KIAA1958: variants seen among roughly 807,000 people sequenced by gnomAD.
The protein encoded by KIAA1958 is uncharacterized protein KIAA1958.
KIAA1958 carries 14 observed loss-of-function variants against 47.2 expected under a neutral mutation model. That is an observed-to-expected ratio of 0.30 (90% confidence interval 0.20 to 0.46). KIAA1958 has a LOEUF of 0.46. Ranked by LOEUF, KIAA1958 falls within the 20% of genes least tolerant of loss-of-function variation. The probability of loss-of-function intolerance (pLI) is 1.00; values close to 1 mark genes in which losing one functional copy is unlikely to be tolerated. For missense variants in KIAA1958, 803 were observed against 909.2 expected, an observed-to-expected ratio of 0.88 and a Z score of 1.50; for synonymous variants, 354 against 353.3, an observed-to-expected ratio of 1.00 and a Z score of -0.02.
chr9:112,549,345 T>C (rs1379600642), intron 1 of KIAA1958, among the ~76,000 whole-genome samples: 1 of 152,254 alleles, frequency 6.6e-6, no homozygotes, highest in Non-Finnish European at 1.5e-5. Flanking sequence ...TCCGTACTAT[T>C]ACAAATTATT....
intron 2 of KIAA1958, among the ~76,000 whole-genome samples, chr9:112,610,286 G>T (rs1032784836): frequency 7.3e-5 from 11 of 151,438 alleles, no homozygotes; most frequent in Non-Finnish European, 1.5e-4. Flanking sequence ...AGTAGGAAAA[G>T]AAATTAAGCA....
Position 112,669,325 on chromosome 9 carries a change from T to C in KIAA1958, c.*9256T>C, listed in dbSNP as rs1313052373. 1.3e-5 allele frequency: 2 copies of C among 152,248 alleles called. No homozygotes were observed. Among genetic ancestry groups the C allele is most frequent in the African/African-American group, 4.8e-5 (2 of 41,462 alleles). The allele number at this position is 152,248 out of a possible 1,614,324, so 9.4% of individuals were successfully genotyped here. On this transcript the variant is annotated 3_prime_UTR_variant, in exon 4 of 4. Coordinates refer to ENST00000337530, the MANE Select transcript of KIAA1958 (RefSeq NM_133465.4). ...TTTTAAAGGTGGTTGTTGTTGTTGTTTGGGTTCACTTATGTATATGCAGCT... is the reference window on the plus strand; with the variant it reads ...TTTTAAAGGTGGTTGTTGTTGTTGTCTGGGTTCACTTATGTATATGCAGCT...
Position 112,535,418 on chromosome 9 carries a change from C to CT in KIAA1958, c.-24-38631dup, listed in dbSNP as rs149375015. The stretch of plus-strand genomic sequence containing the variant: ...CATGTTGTCACAAATGATAGGATTT[C>CT]TTTTTTTTAAGGCTTATTAGCAGTC... On this transcript the variant is annotated intron_variant, in intron 1 of 3. Coordinates refer to ENST00000337530, the MANE Select transcript of KIAA1958 (RefSeq NM_133465.4). 4.0e-3 allele frequency among the ~76,000 whole-genome samples: 601 copies of CT among 151,884 alleles called. 28 individuals are homozygous for CT. In the East Asian group the frequency reaches 0.095, roughly 24 times the overall value.
At chr9:112,527,457 G>A (rs559946027) in intron 1 of KIAA1958, among the ~76,000 whole-genome samples, 1 of 152,192 alleles carries the variant, frequency 6.6e-6, no homozygotes, top group South Asian at 2.1e-4. Context: ...TGAAGTTGAA[G>A]AAGAAAGCAG....
At chr9:112,608,857 A>G (rs1373181116) in intron 2 of KIAA1958, among the ~76,000 whole-genome samples, 4 of 152,194 alleles carry the variant, frequency 2.6e-5, no homozygotes, top group Admixed American at 6.5e-5. Context: ...TGGGCAATGT[A>G]GCAAGAGCCC....
chr9:112,584,459 T>A (rs959499278), intron 2 of KIAA1958, among the ~76,000 whole-genome samples: 6 of 152,234 alleles, frequency 3.9e-5, no homozygotes, highest in African/African-American at 9.6e-5. Flanking sequence ...ATTGTAACAT[T>A]ATTGCTGTTA....
At chr9:112,589,332 T>C (rs1466486722) in intron 2 of KIAA1958, among the ~76,000 whole-genome samples, 1 of 152,136 alleles carries the variant, frequency 6.6e-6, no homozygotes, top group Non-Finnish European at 1.5e-5. Context: ...CGCAGTGGCT[T>C]ACGCCTGTAA....
intron 1 of KIAA1958, among the ~76,000 whole-genome samples, chr9:112,524,549 A>G (rs1473460748): frequency 6.6e-6 from 1 of 152,194 alleles, no homozygotes; most frequent in African/African-American, 2.4e-5. Context: ...TTGTTGTGCT[A>G]CCATAGGCTG....
chr9:112,615,284 A>G (rs576788377), intron 2 of KIAA1958, among the ~76,000 whole-genome samples: 1 of 151,872 alleles, frequency 6.6e-6, no homozygotes, highest in Admixed American at 6.6e-5. Context: ...GCCAGGCATG[A>G]TGGCGGGTGC....
At chr9:112,553,603 T>C (rs1835192967) in intron 1 of KIAA1958, among the ~76,000 whole-genome samples, 2 of 152,338 alleles carry the variant, frequency 1.3e-5, no homozygotes, top group South Asian at 4.1e-4. Flanking sequence ...TCTGATGTGC[T>C]TAGAATAGAG....
At position 112,640,594 on chromosome 9, in the gene KIAA1958, GGCT is replaced by G. The variant is rs200172486; in HGVS notation, c.1172-5049_1172-5047del. ...TCCACTGAGATTGCTGTAGACTTCA[GGCT>G]GCTGCTTTCTGTTTGGGTTCTATGT... On this transcript the variant is annotated intron_variant, in intron 2 of 3. Transcript: ENST00000337530. Among the ~76,000 whole-genome samples the G allele has an allele frequency of 7.5e-3, 1,141 of 152,140 alleles. 19 individuals carry two copies. Among genetic ancestry groups the G allele is most frequent in the South Asian group, 0.059 (285 of 4,812 alleles).
At position 112,660,070 on chromosome 9, in the gene KIAA1958, G is replaced by GC; in HGVS notation, c.*6dup. ...TGGCTCCCACAGCTGCTGCCAGTGA[G>GC]CCCCCACTGGGGCCCGGCCACTGCC... On this transcript the variant is annotated 3_prime_UTR_variant, in exon 4 of 4. Transcript: ENST00000337530. 1 of 1,611,498 alleles carries GC rather than the reference G, an allele frequency of 6.2e-7. No homozygotes were observed. Among genetic ancestry groups the GC allele is most frequent in the Non-Finnish European group, 8.5e-7 (1 of 1,179,428 alleles).
At chr9:112,593,491 G>T (rs1472448655) in intron 2 of KIAA1958, among the ~76,000 whole-genome samples, 1 of 152,210 alleles carries the variant, frequency 6.6e-6, no homozygotes, top group Admixed American at 6.5e-5. Flanking sequence ...ACATTTGAAA[G>T]AATTGTTCCA....
chr9:112,600,466 G>T (rs994387415), intron 2 of KIAA1958, among the ~76,000 whole-genome samples: 1 of 152,144 alleles, frequency 6.6e-6, no homozygotes, highest in Non-Finnish European at 1.5e-5. Context: ...TTAAAGGGGA[G>T]CATTCTCTGA....
At chr9:112,642,252 T>C (rs899299343) in intron 2 of KIAA1958, among the ~76,000 whole-genome samples, 8 of 152,200 alleles carry the variant, frequency 5.3e-5, no homozygotes, top group Non-Finnish European at 7.3e-5. Flanking sequence ...GCTGAAGAAG[T>C]GTTCATGAAT....
At chr9:112,581,937 TC>T (rs1835743446) in intron 2 of KIAA1958, 1 of 238,146 alleles carries the variant, frequency 4.2e-6, no homozygotes, top group Non-Finnish European at 8.8e-6. Flanking sequence ...GGGGATGCAT[TC>T]AGCCCACCTC....
intron 2 of KIAA1958, among the ~76,000 whole-genome samples, chr9:112,614,872 G>A (rs575290193): frequency 1.3e-5 from 2 of 152,270 alleles, no homozygotes; most frequent in Middle Eastern, 3.4e-3. Flanking sequence ...AGCTTCACTC[G>A]GGACTGTGGC....
chr9:112,555,370 A>G (rs906003668), intron 1 of KIAA1958, among the ~76,000 whole-genome samples: 8 of 152,218 alleles, frequency 5.3e-5, no homozygotes, highest in African/African-American at 1.7e-4. Context: ...GTTGAGAAAC[A>G]AGTAAGACAG....
chr9:112,515,333 A>G (rs1230473276), intron 1 of KIAA1958, among the ~76,000 whole-genome samples: 2 of 140,432 alleles, frequency 1.4e-5, no homozygotes, highest in East Asian at 2.3e-4. Flanking sequence ...GGCCGCCCCT[A>G]CTGGGAAGTG....
Sources: gnomAD v4.1 joint callset for allele counts (sites outside exome capture counted in the v4.1 genomes callset) on GRCh38, gnomAD v4.1.1 for gene constraint, MANE v1.5 for transcripts, NCBI Gene and HGNC (gene_info 2026-07-23, HGNC 2026-07-21) for gene names.